The following KANSL1 variants were observed in gnomAD, a reference collection of about 807,000 sequenced individuals.
KANSL1 encodes the protein KAT8 regulatory NSL complex subunit 1.
Under a neutral mutation model 103.6 loss-of-function variants are expected in KANSL1, and 22 were observed. The ratio of observed to expected loss-of-function variants is 0.21; its 90% CI spans 0.15 to 0.30. The LOEUF (loss-of-function observed/expected upper bound fraction) is 0.30. Ranked by LOEUF, KANSL1 falls within the 10% of genes least tolerant of loss-of-function variation. KANSL1 has a pLI of 1.00. For missense variants in KANSL1, 1,337 were observed against 1,399.8 expected (o/e 0.96, Z 0.72); for synonymous variants, 600 against 527.6 (o/e 1.14, Z -1.88).
chr17:46,171,127 T>C lies in KANSL1; in HGVS notation c.1017A>G (p.Arg339=), dbSNP rs1481069996. ...LSKLPNLESL[R]PRSQLMLTRK... The stretch of plus-strand genomic sequence containing the variant: ...GAGTCAGCATCAACTGGCTCCGTGG[T>C]CTCAAGGATTCCAAGTTTGGCAGTT... Residue 339 remains arginine, a synonymous_variant, in exon 2 of 15, where the codon AGA becomes AGG. Coordinates refer to ENST00000432791, the MANE Select transcript of KANSL1 (RefSeq NM_015443.4). 1 of 1,614,068 alleles carries C rather than the reference T, an allele frequency of 6.2e-7. No homozygotes were observed. The highest frequency in any genetic ancestry group is 1.3e-5 in the African/African-American group (1 of 74,928).
intron 1 of KANSL1, among the ~76,000 whole-genome samples, chr17:46,188,451 G>A (rs1485853782): frequency 6.6e-6 from 1 of 152,208 alleles, no homozygotes; most frequent in Non-Finnish European, 1.5e-5. Context: ...GAAGCAACAT[G>A]AGAACTAAAA....
chr17:46,191,259 C>A (rs539286072), intron 1 of KANSL1, among the ~76,000 whole-genome samples: 2 of 152,334 alleles, frequency 1.3e-5, no homozygotes, highest in East Asian at 3.9e-4. Context: ...CTAATAAATA[C>A]ACTTAGCATT....
intron 6 of KANSL1, among the ~76,000 whole-genome samples, chr17:46,055,527 A>T (rs2077894742): frequency 1.3e-5 from 2 of 152,094 alleles, no homozygotes; most frequent in African/African-American, 4.8e-5. Flanking sequence ...AATGCCCTGG[A>T]ATAAGTTTAA....
At chr17:46,178,953 A>G (rs116738944) in intron 1 of KANSL1, among the ~76,000 whole-genome samples, 3,935 of 152,308 alleles carry the variant, frequency 0.026, 175 homozygotes, top group African/African-American at 0.091. Flanking sequence ...ACTTCTACCT[A>G]ACACAAGTGG....
intron 2 of KANSL1, among the ~76,000 whole-genome samples, chr17:46,096,272 G>C (rs1454259281): frequency 7.0e-6 from 1 of 143,782 alleles, no homozygotes; most frequent in African/African-American, 2.6e-5. Flanking sequence ...CTCCCAAGCA[G>C]CTAGGATCAG....
intron 1 of KANSL1, among the ~76,000 whole-genome samples, chr17:46,200,097 CTAA>C (rs1422498006): frequency 3.4e-5 from 5 of 148,594 alleles, no homozygotes; most frequent in Non-Finnish European, 1.5e-5. Context: ...TTAGTTAATT[CTAA>C]TGTTTTTAAC....
intron 2 of KANSL1, among the ~76,000 whole-genome samples, chr17:46,096,437 C>T (rs1359830390): frequency 6.6e-6 from 1 of 151,164 alleles, no homozygotes; most frequent in Admixed American, 6.6e-5. Flanking sequence ...TCTCCTGCCT[C>T]AGCCTCCCGA....
At chr17:46,053,958 A>G (rs1369235322) in intron 6 of KANSL1, among the ~76,000 whole-genome samples, 1 of 152,210 alleles carries the variant, frequency 6.6e-6, no homozygotes, top group East Asian at 1.9e-4. Flanking sequence ...GTGTTTTACA[A>G]TAAGAAAACA....
At chr17:46,119,559 G>T (rs904169786) in intron 2 of KANSL1, among the ~76,000 whole-genome samples, 1 of 152,050 alleles carries the variant, frequency 6.6e-6, no homozygotes, top group Non-Finnish European at 1.5e-5. Context: ...TGCCCACCTC[G>T]GCCTCCCAAA....
At chr17:46,073,580 A>G (rs558440262) in intron 4 of KANSL1, among the ~76,000 whole-genome samples, 43 of 152,312 alleles carry the variant, frequency 2.8e-4, no homozygotes, top group African/African-American at 9.9e-4. Flanking sequence ...TATAAAGAAG[A>G]ATGTATAGCT....
chr17:46,081,229 AAT>A (rs1568425821), intron 4 of KANSL1, among the ~76,000 whole-genome samples: 1 of 152,198 alleles, frequency 6.6e-6, no homozygotes, highest in Non-Finnish European at 1.5e-5. Context: ...TCTATATACA[AAT>A]ATATAAGTAT....
At chr17:46,122,657 G>A (rs9910683) in intron 2 of KANSL1, among the ~76,000 whole-genome samples, 23,567 of 151,940 alleles carry the variant, frequency 0.16, 2,645 homozygotes, top group East Asian at 0.42. Flanking sequence ...CCTGCATCAA[G>A]CAAGTCTATT....
intron 1 of KANSL1, among the ~76,000 whole-genome samples, chr17:46,209,349 GA>G (rs1294049687): frequency 6.6e-6 from 1 of 152,236 alleles, no homozygotes; most frequent in African/African-American, 2.4e-5. Context: ...GGGGAAGGTA[GA>G]GGGGAAAAGC....
chr17:46,034,357 A>G, intron 10 of KANSL1, 72 bp from the exon 11 acceptor site: 1 of 1,551,672 alleles, frequency 6.4e-7, no homozygotes. Context: ...CTAAGAGTTA[A>G]AGCAGGATCA....
At chr17:46,177,725 C>G (rs2046589726) in intron 1 of KANSL1, among the ~76,000 whole-genome samples, 1 of 151,692 alleles carries the variant, frequency 6.6e-6, no homozygotes, top group Admixed American at 6.6e-5. Context: ...AAAAAGAAAA[C>G]AATGGAAATT....
upstream of KANSL1, among the ~76,000 whole-genome samples, chr17:46,194,885 C>G (rs928329548): frequency 6.6e-5 from 10 of 152,228 alleles, no homozygotes; most frequent in Non-Finnish European, 1.2e-4. Flanking sequence ...AACATCTGCA[C>G]CTAGGTTTCT....
At chr17:46,071,025 G>C (rs189901111) in intron 4 of KANSL1, among the ~76,000 whole-genome samples, 2 of 152,200 alleles carry the variant, frequency 1.3e-5, no homozygotes. Context: ...GTAATGTCAC[G>C]ATCCATATAG....
chr17:46,105,949 C>CACACACACACACACACACACACACACACA (rs1567680988), intron 2 of KANSL1, among the ~76,000 whole-genome samples: 5 of 49,312 alleles, frequency 1.0e-4, no homozygotes, highest in African/African-American at 3.2e-4. Context: ...ACACACACAC[C>CACACACACACACACACACACACACACACA]CCCCCAGAAG....
chr17:46,111,114 T>C (rs1192481481), intron 2 of KANSL1, among the ~76,000 whole-genome samples: 1 of 152,266 alleles, frequency 6.6e-6, no homozygotes, highest in Non-Finnish European at 1.5e-5. Context: ...ATGCATTTCT[T>C]AAGCGGTTTT....
Sources: allele counts gnomAD v4.1 joint callset (sites outside exome capture counted in the v4.1 genomes callset), GRCh38; gene constraint gnomAD v4.1.1; transcripts MANE v1.5; gene names NCBI Gene and HGNC (gene_info 2026-07-23, HGNC 2026-07-21).